MRTFA: variants seen among roughly 807,000 people sequenced by gnomAD.
MRTFA encodes the protein myocardin-related transcription factor A.
In MRTFA, 20 loss-of-function variants were observed where a neutral mutation model predicts 83.5. That is an observed-to-expected ratio of 0.24 (90% CI 0.17 to 0.35). The LOEUF (loss-of-function observed/expected upper bound fraction) is 0.35, where lower values mean the gene tolerates loss of function less well. MRTFA is among the 10% of genes least tolerant of loss of function. The pLI, the probability that MRTFA is intolerant of heterozygous loss-of-function variation, is 1.00. For missense variants in MRTFA, 1,200 were observed against 1,224.7 expected (o/e 0.98, Z 0.30); for synonymous variants, 659 against 541.2 (o/e 1.22, Z -3.02).
At chr22:40,417,698 G>A (rs868563942) in intron 12 of MRTFA, 28 of 565,432 alleles carry the variant, frequency 5.0e-5, no homozygotes, top group African/African-American at 4.0e-4. Flanking sequence ...TGCAGGGGGT[G>A]CCTGGCCCCT....
chr22:40,544,415 G>A (rs1055938060), intron 3 of MRTFA, among the ~76,000 whole-genome samples: 1 of 151,978 alleles, frequency 6.6e-6, no homozygotes, highest in Non-Finnish European at 1.5e-5. Flanking sequence ...TTTTGAGAGA[G>A]GGGGTCTTGC....
chr22:40,507,781 G>A (rs2054602865), intron 3 of MRTFA, among the ~76,000 whole-genome samples: 1 of 151,832 alleles, frequency 6.6e-6, no homozygotes, highest in Non-Finnish European at 1.5e-5. Context: ...TGACCAACAT[G>A]GCGAAACCCC....
intron 3 of MRTFA, among the ~76,000 whole-genome samples, chr22:40,484,264 A>G (rs1021457517): frequency 1.3e-5 from 2 of 152,166 alleles, no homozygotes; most frequent in African/African-American, 2.4e-5. Flanking sequence ...AAAATTTGAT[A>G]AAGTCTGCAG....
At chr22:40,419,414 A>C in intron 11 of MRTFA, 30 bp from the exon 12 acceptor site, 1 of 1,605,446 alleles carries the variant, frequency 6.2e-7, no homozygotes, top group Non-Finnish European at 8.5e-7. Context: ...CAGGGAGGCC[A>C]GGGGCAGCTG....
At chr22:40,604,488 C>A (rs1266581964) in intron 1 of MRTFA, among the ~76,000 whole-genome samples, 1 of 151,808 alleles carries the variant, frequency 6.6e-6, no homozygotes, top group African/African-American at 2.4e-5. Context: ...GTGGCTCATG[C>A]CTGTAATCCC....
At chr22:40,412,681 T>TA (rs1569245604) in intron 14 of MRTFA, 2 of 152,196 alleles carry the variant, frequency 1.3e-5, no homozygotes, top group Non-Finnish European at 2.9e-5. Context: ...GAAAGTAGAA[T>TA]GGCAGTTGCT....
intron 14 of MRTFA, among the ~76,000 whole-genome samples, chr22:40,414,778 C>T (rs1462593353): frequency 5.9e-5 from 9 of 152,076 alleles, no homozygotes; most frequent in Admixed American, 3.9e-4. Flanking sequence ...AGTTCTGGAG[C>T]GGATAGGGGT....
chr22:40,435,434 C>T, intron 5 of MRTFA, 65 bp downstream of exon 5: 3 of 1,507,968 alleles, frequency 2.0e-6, no homozygotes, highest in Admixed American at 1.7e-5. Context: ...GGAAATATAA[C>T]CAGCAATGCA....
intron 5 of MRTFA, chr22:40,433,236 AG>A (rs1008336664): frequency 2.8e-4 from 45 of 158,798 alleles, no homozygotes; most frequent in African/African-American, 1.1e-3. Context: ...GGAAAACCAG[AG>A]AACTTTCAGG....
At chr22:40,492,294 A>G (rs964663901) in intron 3 of MRTFA, among the ~76,000 whole-genome samples, 2 of 152,228 alleles carry the variant, frequency 1.3e-5, no homozygotes, top group African/African-American at 2.4e-5. Flanking sequence ...TTAGATCCCA[A>G]GTTTACTTAG....
At chr22:40,413,433 G>A (rs1015591130) in intron 14 of MRTFA, among the ~76,000 whole-genome samples, 3 of 150,810 alleles carry the variant, frequency 2.0e-5, no homozygotes, top group South Asian at 2.1e-4. Context: ...TCCGCCTCCC[G>A]TTTTCAAGCA....
At chr22:40,419,444 A>C in intron 11 of MRTFA, 60 bp from the exon 12 acceptor site, 2 of 1,520,352 alleles carry the variant, frequency 1.3e-6, no homozygotes, top group South Asian at 2.3e-5. Flanking sequence ...CACTGGGTCC[A>C]GGCAGAAGGG....
chr22:40,624,425 C>CAAAAAAAA, intron 1 of MRTFA, among the ~76,000 whole-genome samples: 1 of 62,758 alleles, frequency 1.6e-5, no homozygotes, highest in Non-Finnish European at 3.6e-5. Flanking sequence ...GACTCCAACT[C>CAAAAAAAA]AAAAAAAAAA....
intron 2 of MRTFA, among the ~76,000 whole-genome samples, chr22:40,584,864 T>G (rs2056005381): frequency 6.6e-6 from 1 of 151,014 alleles, no homozygotes. Flanking sequence ...GCCAACATAG[T>G]GAAACCCCAT....
At chr22:40,626,868 C>CACAG (rs2056588156) in intron 1 of MRTFA, among the ~76,000 whole-genome samples, 1 of 137,018 alleles carries the variant, frequency 7.3e-6, no homozygotes, top group South Asian at 2.3e-4. Context: ...CTGTCTCAAA[C>CACAG]ACACACACAC....
At chr22:40,472,106 C>A (rs1404867069) in intron 3 of MRTFA, among the ~76,000 whole-genome samples, 2 of 152,152 alleles carry the variant, frequency 1.3e-5, no homozygotes, top group Non-Finnish European at 2.9e-5. Context: ...TATTCTGTAT[C>A]CTTATCCCTG....
At chr22:40,433,902 G>A (rs578242661) in intron 5 of MRTFA, among the ~76,000 whole-genome samples, 5 of 152,256 alleles carry the variant, frequency 3.3e-5, no homozygotes, top group African/African-American at 7.2e-5. Flanking sequence ...CAAATTGAAC[G>A]TTATGGTTAC....
intron 2 of MRTFA, among the ~76,000 whole-genome samples, chr22:40,556,120 A>T (rs1181270288): frequency 1.4e-5 from 2 of 147,462 alleles, no homozygotes; most frequent in African/African-American, 2.5e-5. Context: ...CAATGAAAAA[A>T]TTTTAAGGTT....
intron 4 of MRTFA, among the ~76,000 whole-genome samples, chr22:40,462,803 A>C (rs1463132833): frequency 6.6e-6 from 1 of 152,184 alleles, no homozygotes; most frequent in African/African-American, 2.4e-5. Context: ...AAAATACCAG[A>C]AAAGAGGTTT....
Sources: gnomAD v4.1 joint callset for allele counts (sites outside exome capture counted in the v4.1 genomes callset) on GRCh38, gnomAD v4.1.1 for gene constraint, MANE v1.5 for transcripts, NCBI Gene and HGNC (gene_info 2026-07-23, HGNC 2026-07-21) for gene names.